The following SV2B variants were observed in gnomAD, a reference collection of about 807,000 sequenced individuals.
SV2B encodes the protein synaptic vesicle glycoprotein 2B, also known as solute carrier family 22 member B2.
In SV2B, 41 loss-of-function variants were observed where a neutral mutation model predicts 73.9. The observed-to-expected ratio is 0.56, with a 90% CI of 0.43 to 0.72. The LOEUF is 0.72. Among genes scored for constraint, SV2B ranks in the 30% least tolerant of loss-of-function variants. The pLI is 0.00. For synonymous variants in SV2B, 314 were observed against 314.2 expected (o/e 1.00, Z 0.01); for missense variants, 764 against 857.8 (o/e 0.89, Z 1.37).
chr15:91,224,782 TAC>T lies in SV2B; in HGVS notation c.-391-1088_-391-1087del. Among the ~76,000 whole-genome samples, 1 of 152,174 alleles carries T rather than the reference TAC, an allele frequency of 6.6e-6. No homozygotes were observed. The highest frequency in any genetic ancestry group is 2.4e-5 in the African/African-American group (1 of 41,438). On this transcript the variant is annotated intron_variant, in intron 1 of 12. Coordinates refer to ENST00000394232, the MANE Select transcript of SV2B (RefSeq NM_001323032.3). This position sits in a 1 kb window ranked among gnomAD's most constrained non-coding sequence, Gnocchi z 4.9. ...TGGGAATTACAGATAAGAGATGTGA[TAC>T]ACTCAGCACATGTTCTGGCACACAG...
At chr15:91,278,654 G>C (rs1456840005) in intron 9 of SV2B, among the ~76,000 whole-genome samples, 1 of 83,650 alleles carries the variant, frequency 1.2e-5, no homozygotes, top group East Asian at 2.2e-4. Flanking sequence ...AGTCCGGCCT[G>C]GGCGACAGAG....
At chr15:91,114,468 CA>C (rs1192362301) in intron 1 of SV2B, among the ~76,000 whole-genome samples, 1 of 152,180 alleles carries the variant, frequency 6.6e-6, no homozygotes, top group Non-Finnish European at 1.5e-5. Context: ...GTCATCCAGC[CA>C]AGGGATTAAC....
intron 1 of SV2B, among the ~76,000 whole-genome samples, chr15:91,111,168 A>G (rs2042025387): frequency 6.6e-6 from 1 of 152,140 alleles, no homozygotes; most frequent in African/African-American, 2.4e-5. Context: ...TCGGGGCACT[A>G]CAGAGGGCTG....
intron 11 of SV2B, among the ~76,000 whole-genome samples, chr15:91,286,304 A>G (rs144824667): frequency 6.6e-6 from 1 of 152,194 alleles, no homozygotes; most frequent in African/African-American, 2.4e-5. Context: ...TCTCAGACCA[A>G]CCCCACTAGA....
intron 1 of SV2B, among the ~76,000 whole-genome samples, chr15:91,104,670 G>T (rs918699741): frequency 6.6e-6 from 1 of 152,156 alleles, no homozygotes; most frequent in Non-Finnish European, 1.5e-5. Flanking sequence ...TTTCACTCTT[G>T]TTGCCCAGGC....
chr15:91,155,680 T>C (rs1284780290), intron 1 of SV2B, among the ~76,000 whole-genome samples: 2 of 152,126 alleles, frequency 1.3e-5, no homozygotes, highest in Non-Finnish European at 2.9e-5. Context: ...GAGGATGCCC[T>C]ACTCCCTCAC....
intron 1 of SV2B, among the ~76,000 whole-genome samples, chr15:91,207,046 A>AT (rs954301789): frequency 3.3e-5 from 5 of 150,456 alleles, no homozygotes; most frequent in South Asian, 2.1e-4. Context: ...CTTTAAAAAA[A>AT]TTTTTTTTTT....
chr15:91,119,865 A>T (rs1279658524), intron 1 of SV2B, among the ~76,000 whole-genome samples: 1 of 152,144 alleles, frequency 6.6e-6, no homozygotes, highest in Admixed American at 6.5e-5. Context: ...TTATTGACTG[A>T]TTGTATGTCC....
Position 91,121,020 on chromosome 15 carries a change from A to G in SV2B, c.-392+20657A>G, listed in dbSNP as rs192270140. ...TGAACTGTTAACCTCTGCAGTCTAT[A>G]CAGTCATCCCCTCGCTTAAGATTTT... On this transcript the variant is annotated intron_variant, in intron 1 of 12. Transcript: ENST00000394232. This position sits in a 1 kb window ranked among gnomAD's most constrained non-coding sequence, Gnocchi z 4.4. Among the ~76,000 whole-genome samples, 28 of 152,276 alleles carry G rather than the reference A, an allele frequency of 1.8e-4. No individual in the cohort carries two copies. The highest frequency in any genetic ancestry group is 3.4e-3 in the Middle Eastern group (1 of 294).
chr15:91,143,005 A>T (rs371463797), intron 1 of SV2B, among the ~76,000 whole-genome samples: 33 of 152,316 alleles, frequency 2.2e-4, no homozygotes, highest in Admixed American at 1.0e-3. Context: ...CTGCTGCTTC[A>T]GTGTAAATGA....
chr15:91,217,916 C>G (rs2046050349), intron 1 of SV2B, among the ~76,000 whole-genome samples: 1 of 152,204 alleles, frequency 6.6e-6, no homozygotes, highest in Non-Finnish European at 1.5e-5. Flanking sequence ...AGTGGACTTT[C>G]TCTAACACAA....
rs541510629 is a variant in SV2B at position 91,236,042 on chromosome 15, C to T, written c.451+9328C>T. On this transcript the variant is annotated intron_variant, in intron 2 of 12. Transcript: ENST00000394232. This position sits in a 1 kb window ranked among gnomAD's most constrained non-coding sequence, Gnocchi z 4.1. ...GCACACAGTAGGTGCTTAGTCAGTA[C>T]TCATCCTGCTCCCCTGATCCAACTG... Among the ~76,000 whole-genome samples the T allele has an allele frequency of 1.3e-5, 2 of 152,318 alleles. No homozygotes were observed. Among genetic ancestry groups the T allele is most frequent in the South Asian group, 2.1e-4 (1 of 4,824 alleles).
chr15:91,177,332 T>C (rs1193560487), intron 1 of SV2B, among the ~76,000 whole-genome samples: 1 of 151,924 alleles, frequency 6.6e-6, no homozygotes, highest in Non-Finnish European at 1.5e-5. Context: ...GCGTGATGCC[T>C]CCAGCTTTGT....
Position 91,258,593 on chromosome 15 carries a change from ACAG to A in SV2B, c.918+41_918+43del. The A allele has an allele frequency of 6.2e-7, 1 of 1,610,962 alleles. No homozygotes were observed. The highest frequency in any genetic ancestry group is 8.5e-7 in the Non-Finnish European group (1 of 1,178,588). On this transcript the variant is annotated intron_variant, in intron 5 of 12. Transcript: ENST00000394232. The surrounding 1 kb of genome is among the most constrained non-coding windows in gnomAD (Gnocchi z 4.7). ...TTTCCACCAGGGGGAGAGTGACAAA[ACAG>A]CCACAGGAACCCAGCCTCGCTTCCT...
Position 91,141,634 on chromosome 15 carries a change from G to C in SV2B, c.-392+41271G>C, listed in dbSNP as rs1237385781. On this transcript the variant is annotated intron_variant, in intron 1 of 12. Transcript: ENST00000394232. This position sits in a 1 kb window ranked among gnomAD's most constrained non-coding sequence, Gnocchi z 4.6. The stretch of plus-strand genomic sequence containing the variant: ...TTAAATGACAGAATATAAGTAAAAT[G>C]CTTAGCCTATTGCCTGGCACACAGT... Among the ~76,000 whole-genome samples the C allele has an allele frequency of 1.3e-5, 2 of 152,104 alleles. No homozygotes were observed. The highest frequency in any genetic ancestry group is 2.9e-5 in the Non-Finnish European group (2 of 68,032).
chr15:91,153,248 A>G (rs2141223827), intron 1 of SV2B, among the ~76,000 whole-genome samples: 1 of 152,270 alleles, frequency 6.6e-6, no homozygotes, highest in Admixed American at 6.5e-5. Flanking sequence ...TTAAGTTCCA[A>G]CGTATGACTT....
Position 91,284,029 on chromosome 15 carries a change from G to A in SV2B, c.1516G>A (p.Glu506Lys), listed in dbSNP as rs375437326. ...TTTCCTTCTCTCCCCAGACCTCTAC[G>A]AGCACAAGTTCATCAACTGTCGGTT... is the stretch of plus-strand genomic sequence containing the variant. Reference protein sequence around the residue: ...STIFYNTDLYEHKFINCRFIN... With the variant: ...STIFYNTDLYKHKFINCRFIN... The change falls in exon 11 of 13, where the codon GAG becomes AAG. Residue 506 changes from glutamate (E) to lysine (K), a missense_variant. Physicochemically the swap from Glu to Lys is moderately conservative, Grantham distance 56 (BLOSUM62 1). Transcript: ENST00000394232. The surrounding 1 kb of genome is among the most constrained non-coding windows in gnomAD (Gnocchi z 4.5). The A allele has an allele frequency of 6.8e-6, 11 of 1,613,876 alleles. No homozygotes were observed. Among genetic ancestry groups the A allele is most frequent in the Non-Finnish European group, 8.5e-6 (10 of 1,180,030 alleles).
At chr15:91,142,749 G>T (rs1186708360) in intron 1 of SV2B, among the ~76,000 whole-genome samples, 1 of 152,180 alleles carries the variant, frequency 6.6e-6, no homozygotes. Flanking sequence ...TCCAACCAAG[G>T]TGTGGTTTAA....
chr15:91,165,594 C>T (rs1406534940), intron 1 of SV2B, among the ~76,000 whole-genome samples: 1 of 152,124 alleles, frequency 6.6e-6, no homozygotes, highest in Non-Finnish European at 1.5e-5. Flanking sequence ...AGAACTAATC[C>T]TCTATGAATT....
Sources: gnomAD v4.1 joint callset for allele counts (sites outside exome capture counted in the v4.1 genomes callset) on GRCh38, gnomAD v4.1.1 for gene constraint, Gnocchi (gnomAD v3.1) non-coding constraint, MANE v1.5 for transcripts, NCBI Gene and HGNC (gene_info 2026-07-23, HGNC 2026-07-21) for gene names.